Variants in MAP2K5 observed in about 807,000 individuals in gnomAD.
MAP2K5 encodes the protein dual specificity mitogen-activated protein kinase kinase 5.
Under a neutral mutation model 83.1 loss-of-function variants are expected in MAP2K5, and 49 were observed. The ratio of observed to expected loss-of-function variants is 0.59; its 90% CI spans 0.47 to 0.75. The LOEUF (loss-of-function observed/expected upper bound fraction) is 0.75. Ranked by LOEUF, MAP2K5 falls within the 30% of genes least tolerant of loss-of-function variation. MAP2K5 has a pLI of 0.00. For missense variants in MAP2K5, 457 were observed against 557.5 expected (o/e 0.82, Z 1.82); for synonymous variants, 202 against 191.8 (o/e 1.05, Z -0.44).
Position 67,749,312 on chromosome 15 carries a change from T to C in MAP2K5, c.1134+711T>C, listed in dbSNP as rs1171565779. On this transcript the variant is annotated intron_variant, in intron 19 of 21. Transcript: ENST00000178640. The surrounding 1 kb of genome is among the most constrained non-coding windows in gnomAD (Gnocchi z 4.6). Reference sequence around the variant, plus strand: ...CCTTTTCTGTAAACCATCAATCTTATAATACACAAGGCTTTCAAGAAACAT... The same window carrying C: ...CCTTTTCTGTAAACCATCAATCTTACAATACACAAGGCTTTCAAGAAACAT... Among the ~76,000 whole-genome samples, 2 of 152,216 alleles carry C rather than the reference T, an allele frequency of 1.3e-5. No homozygotes were observed. Among genetic ancestry groups the C allele is most frequent in the Non-Finnish European group, 1.5e-5 (1 of 68,042 alleles).
In MAP2K5 at chr15:67,652,832, C is replaced by T. The variant is rs2086984115; in HGVS notation, c.737-5721C>T. Among the ~76,000 whole-genome samples the T allele has an allele frequency of 6.6e-6, 1 of 152,182 alleles. No homozygotes were observed. Among genetic ancestry groups the T allele is most frequent in the Admixed American group, 6.5e-5 (1 of 15,282 alleles). ...CCAGCCCCTGGCAAACAGCATTATA[C>T]TCTGTCTCTATGTGACTACTCTAGG... On this transcript the variant is annotated intron_variant, in intron 11 of 21. Coordinates refer to ENST00000178640, the MANE Select transcript of MAP2K5 (RefSeq NM_145160.3). This position sits in a 1 kb window ranked among gnomAD's most constrained non-coding sequence, Gnocchi z 4.2.
At position 67,646,218 on chromosome 15, in the gene MAP2K5, T is replaced by G. The variant is rs776806299; in HGVS notation, c.586-13T>G. 3 of 1,106,704 alleles carry G rather than the reference T, an allele frequency of 2.7e-6. No homozygotes were observed. The highest frequency in any genetic ancestry group is 2.4e-5 in the Admixed American group (1 of 41,116). 68.6% of individuals were successfully genotyped at this position (1,106,704 alleles called of 1,614,324 possible). A position where few individuals can be genotyped will look rare whatever the true frequency, so the allele number is the denominator to read the frequency against. ...TAGAAGATTAAAAAATATTAATACC[T>G]TTCTATATTTAGGTCATACTACTAG... is the stretch of plus-strand genomic sequence containing the variant. On this transcript the variant is annotated splice_polypyrimidine_tract_variant and intron_variant, in intron 9 of 21. Coordinates refer to ENST00000178640, the MANE Select transcript of MAP2K5 (RefSeq NM_145160.3).
At chr15:67,584,519 T>TA (rs1471287482) in intron 4 of MAP2K5, among the ~76,000 whole-genome samples, 10 of 152,170 alleles carry the variant, frequency 6.6e-5, no homozygotes, top group Non-Finnish European at 1.3e-4. Flanking sequence ...TTTTGAGTCT[T>TA]AATTTTAATG....
intron 15 of MAP2K5, among the ~76,000 whole-genome samples, chr15:67,697,899 A>G (rs1005900635): frequency 6.6e-6 from 1 of 152,250 alleles, no homozygotes; most frequent in Non-Finnish European, 1.5e-5. Context: ...AGTCATTTAG[A>G]AAAACCAAGT....
intron 11 of MAP2K5, among the ~76,000 whole-genome samples, chr15:67,651,566 A>G (rs2086954823): frequency 6.6e-6 from 1 of 152,134 alleles, no homozygotes; most frequent in Non-Finnish European, 1.5e-5. Flanking sequence ...TCATCACTCT[A>G]CTATGTCTCC....
rs2084822799 is a variant in MAP2K5 at position 67,565,688 on chromosome 15, C to T, written c.252+2338C>T. Among the ~76,000 whole-genome samples the T allele has an allele frequency of 6.6e-6, 1 of 152,150 alleles. No homozygotes were observed. Among genetic ancestry groups the T allele is most frequent in the Non-Finnish European group, 1.5e-5 (1 of 68,040 alleles). ...AATATGATTACATAATCTTACATTA[C>T]ATGTCCTTAGTTTAAAAGTTTCTGA... On this transcript the variant is annotated intron_variant, in intron 3 of 21. Transcript: ENST00000178640. This position sits in a 1 kb window ranked among gnomAD's most constrained non-coding sequence, Gnocchi z 4.1.
Position 67,763,659 on chromosome 15 carries a change from T to A in MAP2K5, c.1135-5943T>A, listed in dbSNP as rs1596932963. Among the ~76,000 whole-genome samples, 6 of 152,018 alleles carry A rather than the reference T, an allele frequency of 3.9e-5. No individual in the cohort carries two copies. The South Asian group carries it at 1.0e-3, about 26-fold the overall frequency. ...TTTTTGTTTTTTAGATTTTTTTTTTTAAACAAACTCGATTTTCTCCCCAAG... is the reference window on the plus strand; with the variant it reads ...TTTTTGTTTTTTAGATTTTTTTTTTAAAACAAACTCGATTTTCTCCCCAAG... On this transcript the variant is annotated intron_variant, in intron 19 of 21. Transcript: ENST00000178640.
intron 21 of MAP2K5, among the ~76,000 whole-genome samples, chr15:67,788,741 A>G (rs2090461574): frequency 6.6e-6 from 1 of 152,154 alleles, no homozygotes; most frequent in Non-Finnish European, 1.5e-5. Flanking sequence ...TGGGGGGCTG[A>G]GGCAGGAGGA....
At position 67,736,819 on chromosome 15, in the gene MAP2K5, C is replaced by T. The variant is rs1048477790; in HGVS notation, c.1074+8874C>T. On this transcript the variant is annotated intron_variant, in intron 17 of 21. Coordinates refer to ENST00000178640, the MANE Select transcript of MAP2K5 (RefSeq NM_145160.3). This position sits in a 1 kb window ranked among gnomAD's most constrained non-coding sequence, Gnocchi z 4.3. Reference sequence around the variant, plus strand: ...TATTATCTCTCCCTCTTAAGCTCTGCGGTCCACTAGGCCTTCCACTTCTCT... The same window carrying T: ...TATTATCTCTCCCTCTTAAGCTCTGTGGTCCACTAGGCCTTCCACTTCTCT... Among the ~76,000 whole-genome samples, 6 of 152,192 alleles carry T rather than the reference C, an allele frequency of 3.9e-5. No individual in the cohort carries two copies. The highest frequency in any genetic ancestry group is 2.6e-4 in the Admixed American group (4 of 15,280).
At chr15:67,574,336 C>G (rs2085009355) in intron 3 of MAP2K5, among the ~76,000 whole-genome samples, 1 of 152,108 alleles carries the variant, frequency 6.6e-6, no homozygotes, top group African/African-American at 2.4e-5. Context: ...CTTTGGGAGG[C>G]CAAGGTGGGT....
intron 21 of MAP2K5, among the ~76,000 whole-genome samples, chr15:67,797,795 G>C (rs754571350): frequency 6.6e-6 from 1 of 152,038 alleles, no homozygotes; most frequent in East Asian, 1.9e-4. Flanking sequence ...CAGTTCTCCA[G>C]CCTCAGCCTC....
intron 2 of MAP2K5, 134 bp downstream of exon 2, chr15:67,550,216 A>G (rs916619782): frequency 9.9e-6 from 6 of 605,476 alleles, no homozygotes; most frequent in Non-Finnish European, 1.7e-5. Flanking sequence ...TTAAATATTT[A>G]TAAATTGATA....
intron 17 of MAP2K5, among the ~76,000 whole-genome samples, chr15:67,732,408 AT>A (rs1292709832): frequency 3.3e-5 from 5 of 152,234 alleles, no homozygotes; most frequent in Non-Finnish European, 7.3e-5. Context: ...GCATTGGGAA[AT>A]TTGGCAAGCA....
chr15:67,619,338 A>G lies in MAP2K5; in HGVS notation c.546-11550A>G, dbSNP rs186417605. On this transcript the variant is annotated intron_variant, in intron 8 of 21. Transcript: ENST00000178640. ...ACCTCACATATTGTATATTTATTTG[A>G]TTATTGTCAGTCAGCCCCTATTAGA... Among the ~76,000 whole-genome samples, 98 of 152,090 alleles carry G rather than the reference A, an allele frequency of 6.4e-4. 1 individual carries two copies. The highest frequency in any genetic ancestry group is 2.2e-3 in the African/African-American group (92 of 41,486).
chr15:67,601,318 T>C (rs2085653671), intron 8 of MAP2K5, among the ~76,000 whole-genome samples: 1 of 152,254 alleles, frequency 6.6e-6, no homozygotes, highest in Non-Finnish European at 1.5e-5. Flanking sequence ...ATGTTCATTT[T>C]CATCTTAAAA....
intron 16 of MAP2K5, among the ~76,000 whole-genome samples, chr15:67,706,157 A>G (rs147146805): frequency 2.0e-5 from 3 of 152,316 alleles, no homozygotes; most frequent in Admixed American, 1.3e-4. Flanking sequence ...TTTATGTTGC[A>G]TATTGAAATA....
chr15:67,783,453 C>T lies in MAP2K5; in HGVS notation c.1242+10701C>T, dbSNP rs2090363893. On this transcript the variant is annotated intron_variant, in intron 21 of 21. Coordinates refer to ENST00000178640, the MANE Select transcript of MAP2K5 (RefSeq NM_145160.3). The surrounding 1 kb of genome is among the most constrained non-coding windows in gnomAD (Gnocchi z 5.1). Reference sequence around the variant, plus strand: ...TGTTTTCTCACCGCCAGATGGTGAACTTCTCCACCTCCGAAACCCAACTGG... The same window carrying T: ...TGTTTTCTCACCGCCAGATGGTGAATTTCTCCACCTCCGAAACCCAACTGG... 6.6e-6 allele frequency among the ~76,000 whole-genome samples: 1 copy of T among 152,202 alleles called. No homozygotes were observed. Among genetic ancestry groups the T allele is most frequent in the African/African-American group, 2.4e-5 (1 of 41,434 alleles).
intron 4 of MAP2K5, among the ~76,000 whole-genome samples, chr15:67,583,994 C>G (rs948785678): frequency 6.6e-6 from 1 of 152,050 alleles, no homozygotes; most frequent in African/African-American, 2.4e-5. Context: ...AGCAATCCTC[C>G]CACCACCACT....
At chr15:67,754,220 A>G (rs747343228) in intron 19 of MAP2K5, among the ~76,000 whole-genome samples, 5 of 152,224 alleles carry the variant, frequency 3.3e-5, no homozygotes, top group Admixed American at 6.5e-5. Flanking sequence ...CTGGTTTGTT[A>G]CTTTAAAAGG....
Sources: gnomAD v4.1 joint callset for allele counts (sites outside exome capture counted in the v4.1 genomes callset) on GRCh38, gnomAD v4.1.1 for gene constraint, Gnocchi (gnomAD v3.1) non-coding constraint, MANE v1.5 for transcripts, NCBI Gene and HGNC (gene_info 2026-07-23, HGNC 2026-07-21) for gene names.